PHF6: variants seen among roughly 807,000 people sequenced by gnomAD.
PHF6 encodes the protein PHD finger protein 6.
PHF6 carries 7 observed loss-of-function variants against 34.0 expected under a neutral mutation model. That is an observed-to-expected ratio of 0.21 (90% CI 0.12 to 0.39). The LOEUF (loss-of-function observed/expected upper bound fraction) is 0.39. PHF6 is among the 10% of genes least tolerant of loss of function. The pLI, the probability that PHF6 is intolerant of heterozygous loss-of-function variation, is 1.00. For missense variants in PHF6, 128 were observed against 262.8 expected (o/e 0.49, Z 3.55); for synonymous variants, 89 against 88.4 (o/e 1.01, Z -0.04).
rs960211148 is a variant in PHF6 at position 134,373,373 on chromosome X, C to T, written c.-141C>T. 1.8e-5 allele frequency: 2 copies of T among 112,911 alleles called. No individual in the cohort carries two copies. Among genetic ancestry groups the T allele is most frequent in the Admixed American group, 9.3e-5 (1 of 10,789 alleles). The allele number at this position is 112,911 out of a possible 1,213,427, so 9.3% of individuals were successfully genotyped here. Reference sequence around the variant, plus strand: ...AGGAAACAACCTCCGGCGACAGAGCCCCGCTCTCAGGCACTGCTGGAGAAC... The same window carrying T: ...AGGAAACAACCTCCGGCGACAGAGCTCCGCTCTCAGGCACTGCTGGAGAAC... On this transcript the variant is annotated 5_prime_UTR_variant, in exon 1 of 11. Coordinates refer to ENST00000370803, the MANE Select transcript of PHF6 (RefSeq NM_001015877.2).
At position 134,390,576 on chromosome X, in the gene PHF6, T is replaced by C. The variant is rs748739376; in HGVS notation, c.241-2925T>C. ...GTATATTTTGGGTTTTTGGTTCCCATCTTATTCTCACCAGACTGAGAGACG... is the reference window on the plus strand; with the variant it reads ...GTATATTTTGGGTTTTTGGTTCCCACCTTATTCTCACCAGACTGAGAGACG... On this transcript the variant is annotated intron_variant, in intron 3 of 10. Transcript: ENST00000370803. Among the ~76,000 whole-genome samples the C allele has an allele frequency of 3.6e-5, 4 of 112,463 alleles. No homozygotes were observed. In the East Asian group the frequency reaches 1.1e-3, roughly 31 times the overall value.
In PHF6 at chrX:134,420,815, A is replaced by G. The variant is rs2077489187; in HGVS notation, c.968+3513A>G. Among the ~76,000 whole-genome samples, 4 of 111,082 alleles carry G rather than the reference A, an allele frequency of 3.6e-5. No individual in the cohort carries two copies. The South Asian group carries it at 1.5e-3, about 42-fold the overall frequency. On this transcript the variant is annotated intron_variant, in intron 9 of 10. Transcript: ENST00000370803. ...CACCTTGTTGTCCAGGCTGGTCTCA[A>G]ACTCCTGGACACAAGTGATCCACCC... is the stretch of plus-strand genomic sequence containing the variant.
At chrX:134,405,719 C>T (rs1358808777) in intron 5 of PHF6, among the ~76,000 whole-genome samples, 1 of 110,478 alleles carries the variant, frequency 9.1e-6, no homozygotes. Flanking sequence ...CATTTTAGCA[C>T]ACTTTAGTAA....
intron 9 of PHF6, chrX:134,418,918 C>T (rs1160737818): frequency 1.8e-5 from 2 of 108,858 alleles, no homozygotes; most frequent in Admixed American, 2.0e-4. Context: ...TCATGACTCA[C>T]TGCAGCCTTG....
intron 9 of PHF6, among the ~76,000 whole-genome samples, chrX:134,422,790 A>C (rs773822173): frequency 8.9e-6 from 1 of 111,810 alleles, no homozygotes; most frequent in African/African-American, 3.2e-5. Context: ...TGACCAGTTG[A>C]CACCTGTAAC....
At chrX:134,394,531 T>A (rs1472954383) in intron 5 of PHF6, among the ~76,000 whole-genome samples, 2 of 110,314 alleles carry the variant, frequency 1.8e-5, no homozygotes, top group African/African-American at 3.3e-5. Context: ...GCTGCGTGTT[T>A]CATTTCTTTG....
intron 5 of PHF6, 60 bp from the exon 6 acceptor site, chrX:134,413,431 C>A (rs2077459066): frequency 9.0e-7 from 1 of 1,107,665 alleles, no homozygotes; most frequent in Non-Finnish European, 1.2e-6. Flanking sequence ...CCTAAAGACC[C>A]ATGAACTAAT....
intron 5 of PHF6, among the ~76,000 whole-genome samples, chrX:134,409,210 C>T (rs2124242471): frequency 9.0e-6 from 1 of 111,611 alleles, no homozygotes; most frequent in East Asian, 2.8e-4. Flanking sequence ...CATCTCCTAA[C>T]TTTTTCATAT....
At chrX:134,395,983 A>G (rs1356272041) in intron 5 of PHF6, among the ~76,000 whole-genome samples, 1 of 112,094 alleles carries the variant, frequency 8.9e-6, no homozygotes, top group Admixed American at 9.5e-5. Context: ...ACGCTTTTCC[A>G]CCTTCCATTA....
chrX:134,377,178 A>G (rs2077281160), intron 1 of PHF6, among the ~76,000 whole-genome samples: 1 of 111,878 alleles, frequency 8.9e-6, no homozygotes, highest in Non-Finnish European at 1.9e-5. Flanking sequence ...CATATCCTCC[A>G]ATTTGGAAGC....
chrX:134,399,391 C>A (rs1424828843), intron 5 of PHF6, among the ~76,000 whole-genome samples: 1 of 110,858 alleles, frequency 9.0e-6, no homozygotes, highest in East Asian at 2.8e-4. Context: ...AAACTGTGGA[C>A]TTCAGGTGAT....
intron 3 of PHF6, among the ~76,000 whole-genome samples, chrX:134,388,543 G>T (rs1396485090): frequency 9.0e-6 from 1 of 111,124 alleles, no homozygotes; most frequent in Non-Finnish European, 1.9e-5. Flanking sequence ...GTGAGAATGT[G>T]TATCTATACA....
chrX:134,393,824 T>C (rs1389979395), intron 4 of PHF6, 85 bp from the exon 5 acceptor site: 1 of 886,381 alleles, frequency 1.1e-6, no homozygotes, highest in African/African-American at 2.0e-5. Context: ...GTGAATTGGG[T>C]GAAGTGTACT....
At chrX:134,376,850 ATT>A (rs1215669759) in intron 1 of PHF6, among the ~76,000 whole-genome samples, 1 of 112,307 alleles carries the variant, frequency 8.9e-6, no homozygotes, top group African/African-American at 3.2e-5. Flanking sequence ...TTAAAGACAT[ATT>A]CCTGATTTTT....
Position 134,400,655 on chromosome X carries a change from C to T in PHF6, c.418+6703C>T, listed in dbSNP as rs144036025. 2.5e-3 allele frequency among the ~76,000 whole-genome samples: 274 copies of T among 110,382 alleles called. 1 individual carries two copies. Among genetic ancestry groups the T allele is most frequent in the African/African-American group, 8.5e-3 (258 of 30,332 alleles). ...GGTTGGAAGCTGAAGGAAAGAGAAC[C>T]GTTTGAAAGAATAGCTCTGAAGACT... On this transcript the variant is annotated intron_variant, in intron 5 of 10. Transcript: ENST00000370803.
At chrX:134,425,572 A>G (rs907967525) in intron 10 of PHF6, 89 bp from the exon 11 acceptor site, 4 of 372,059 alleles carry the variant, frequency 1.1e-5, no homozygotes, top group South Asian at 8.1e-5. Flanking sequence ...TGTCAAATCA[A>G]TAAGATATTC....
intron 3 of PHF6, among the ~76,000 whole-genome samples, chrX:134,384,756 A>G (rs1313665047): frequency 2.8e-5 from 3 of 108,481 alleles, no homozygotes; most frequent in Non-Finnish European, 5.7e-5. Flanking sequence ...GGTTCACACC[A>G]TTCTCCTGCC....
chrX:134,384,412 CTG>C (rs1180340699), intron 3 of PHF6, among the ~76,000 whole-genome samples: 20 of 111,025 alleles, frequency 1.8e-4, no homozygotes, highest in African/African-American at 6.2e-4. Flanking sequence ...ACAATAGTCA[CTG>C]TGGAGAATGA....
At chrX:134,384,808 CT>C (rs1200429135) in intron 3 of PHF6, among the ~76,000 whole-genome samples, 3,753 of 110,312 alleles carry the variant, frequency 0.034, 70 homozygotes, top group Non-Finnish European at 0.053. Context: ...CCCACCACCG[CT>C]CCTGGCTAAT....
Sources: allele counts gnomAD v4.1 joint callset (sites outside exome capture counted in the v4.1 genomes callset), GRCh38; gene constraint gnomAD v4.1.1; transcripts MANE v1.5; gene names NCBI Gene and HGNC (gene_info 2026-07-23, HGNC 2026-07-21).